FGFR2: variants seen among roughly 807,000 people sequenced by gnomAD.
The protein encoded by FGFR2 is BEK fibroblast growth factor receptor.
In FGFR2, 19 loss-of-function variants were observed where a neutral mutation model predicts 95.9. That is an observed-to-expected ratio of 0.20 (90% CI 0.14 to 0.29). The LOEUF (loss-of-function observed/expected upper bound fraction) is 0.29, where lower values mean the gene tolerates loss of function less well. Ranked by LOEUF, FGFR2 falls within the 10% of genes least tolerant of loss-of-function variation. The probability of loss-of-function intolerance (pLI) is 1.00; values close to 1 mark genes in which losing one functional copy is unlikely to be tolerated. For synonymous variants in FGFR2, 392 were observed against 393.3 expected, an observed-to-expected ratio of 1.00 and a Z score of 0.04; for missense variants, 707 against 1,056.9, an observed-to-expected ratio of 0.67 and a Z score of 4.59.
At chr10:121,568,098 G>GA (rs1857977646) in intron 2 of FGFR2, among the ~76,000 whole-genome samples, 1 of 152,134 alleles carries the variant, frequency 6.6e-6, no homozygotes, top group Non-Finnish European at 1.5e-5. Flanking sequence ...AGACCAAACA[G>GA]AAAAAAGAAA....
At chr10:121,554,660 C>T (rs56674361) in intron 4 of FGFR2, among the ~76,000 whole-genome samples, 12,810 of 151,932 alleles carry the variant, frequency 0.084, 1,442 homozygotes, top group African/African-American at 0.25. Context: ...CGTGAGCTAC[C>T]GCGCCCGGCT....
rs1190271376 is a variant in FGFR2, at chr10:121,551,387, T to G, written c.527A>C (p.Lys176Thr). 6.2e-7 allele frequency: 1 copy of G among 1,614,204 alleles called. No individual in the cohort carries two copies. Among genetic ancestry groups the G allele is most frequent in the Non-Finnish European group, 8.5e-7 (1 of 1,180,040 alleles). ...LHAVPAANTV[K>T]FRCPAGGNPM... ...GTTCCCCCCGGCTGGGCAGCGAAAC[T>G]TGACAGTGTTGGCCGCAGGCACAGC... is the stretch of plus-strand genomic sequence containing the variant. The change falls in exon 5 of 18, where the codon AAG becomes ACG. Residue 176 changes from lysine to threonine, a missense_variant. This residue lies in a region of FGFR2 where 139 missense variants were observed against 278.1 expected (regional missense o/e 0.50). Coordinates refer to ENST00000358487, the MANE Select transcript of FGFR2 (RefSeq NM_000141.5).
intron 2 of FGFR2, among the ~76,000 whole-genome samples, chr10:121,586,526 T>C (rs1288810314): frequency 6.6e-6 from 1 of 152,236 alleles, no homozygotes; most frequent in African/African-American, 2.4e-5. Flanking sequence ...TGGCATGATG[T>C]GGCCAAAGTC....
intron 13 of FGFR2, among the ~76,000 whole-genome samples, chr10:121,490,780 TA>T (rs1846033269): frequency 6.6e-6 from 1 of 152,196 alleles, no homozygotes; most frequent in African/African-American, 2.4e-5. Flanking sequence ...CCCTGAAATA[TA>T]AATAAGGAAT....
intron 2 of FGFR2, among the ~76,000 whole-genome samples, chr10:121,580,565 C>A (rs1374762796): frequency 1.3e-5 from 2 of 152,100 alleles, no homozygotes; most frequent in East Asian, 1.9e-4. Context: ...AGGAAAGGTT[C>A]CCCACACTGC....
chr10:121,559,688 G>C (rs1451935941), intron 4 of FGFR2, among the ~76,000 whole-genome samples: 1 of 152,194 alleles, frequency 6.6e-6, no homozygotes, highest in Non-Finnish European at 1.5e-5. Flanking sequence ...GCTGTCATTC[G>C]AGAGCTAATT....
chr10:121,518,155 G>A lies in FGFR2; in HGVS notation c.940-692C>T. The A allele has an allele frequency of 1.2e-5, 3 of 250,906 alleles. No individual in the cohort carries two copies. Among genetic ancestry groups the A allele is most frequent in the South Asian group, 7.9e-5 (2 of 25,190 alleles). 15.5% of individuals were successfully genotyped at this position (250,906 alleles called of 1,614,324 possible). A position where few individuals can be genotyped will look rare whatever the true frequency, so the allele number is the denominator to read the frequency against. ...CTTTTGCCTTTAGTAGCGTCCAGTAGTACATTCATTAAGATGAGCTCCCCT... is the reference window on the plus strand; with the variant it reads ...CTTTTGCCTTTAGTAGCGTCCAGTAATACATTCATTAAGATGAGCTCCCCT... On this transcript the variant is annotated intron_variant, in intron 7 of 17. Coordinates refer to ENST00000358487, the MANE Select transcript of FGFR2 (RefSeq NM_000141.5). This position sits in a 1 kb window ranked among gnomAD's most constrained non-coding sequence, Gnocchi z 4.0.
At chr10:121,559,811 A>C (rs1279846438) in intron 4 of FGFR2, among the ~76,000 whole-genome samples, 1 of 152,220 alleles carries the variant, frequency 6.6e-6, no homozygotes, top group Non-Finnish European at 1.5e-5. Flanking sequence ...GGCAGTTAGG[A>C]ACACTGTTCA....
chr10:121,513,860 C>G (rs1018133302), intron 9 of FGFR2, among the ~76,000 whole-genome samples: 1 of 152,134 alleles, frequency 6.6e-6, no homozygotes, highest in Non-Finnish European at 1.5e-5. Flanking sequence ...TAACAAGGAC[C>G]CATTCAGCCA....
intron 9 of FGFR2, among the ~76,000 whole-genome samples, chr10:121,506,101 A>C (rs2134097331): frequency 1.3e-5 from 2 of 152,222 alleles, no homozygotes; most frequent in Non-Finnish European, 2.9e-5. Flanking sequence ...CTCACGCCGT[A>C]ATCTCAGCAC....
intron 5 of FGFR2, among the ~76,000 whole-genome samples, chr10:121,546,203 AT>A (rs1854493599): frequency 6.6e-6 from 1 of 151,172 alleles, no homozygotes. Flanking sequence ...AAAAAAAAAA[AT>A]CTGTGCTGTT....
At chr10:121,557,590 G>A (rs1430750332) in intron 4 of FGFR2, among the ~76,000 whole-genome samples, 1 of 152,134 alleles carries the variant, frequency 6.6e-6, no homozygotes, top group African/African-American at 2.4e-5. Context: ...TTACAGGTGC[G>A]AGCTGCTATG....
At chr10:121,581,068 A>ACT in intron 2 of FGFR2, among the ~76,000 whole-genome samples, 1 of 152,144 alleles carries the variant, frequency 6.6e-6, no homozygotes, top group Non-Finnish European at 1.5e-5. Flanking sequence ...CTGGCAAGAA[A>ACT]CTCTGCCAAT....
chr10:121,517,593 C>A lies in FGFR2; in HGVS notation c.940-130G>T. 8 of 1,039,220 alleles carry A rather than the reference C, an allele frequency of 7.7e-6. No homozygotes were observed. The highest frequency in any genetic ancestry group is 1.2e-5 in the Non-Finnish European group (8 of 686,058). 64.4% of individuals were successfully genotyped at this position (1,039,220 alleles called of 1,614,324 possible). ...GGCCACTGGGAGATTCCGACTGCAG[C>A]CCATCCACAAAGCCCACAACCGAGA... On this transcript the variant is annotated intron_variant, in intron 7 of 17. Transcript: ENST00000358487. This position sits in a 1 kb window ranked among gnomAD's most constrained non-coding sequence, Gnocchi z 4.7.
intron 2 of FGFR2, 56 bp from the exon 3 acceptor site, chr10:121,565,760 G>C (rs1857587121): frequency 3.7e-5 from 58 of 1,572,514 alleles, no homozygotes; most frequent in Non-Finnish European, 4.8e-5. Context: ...GGAGAGGAGA[G>C]AACGTCCAAC....
chr10:121,577,927 G>C (rs559423596), intron 2 of FGFR2, among the ~76,000 whole-genome samples: 1 of 152,090 alleles, frequency 6.6e-6, no homozygotes, highest in Non-Finnish European at 1.5e-5. Context: ...TGCCGCCCAA[G>C]CTCCAAGTCG....
chr10:121,550,770 C>A (rs1397987586), intron 5 of FGFR2, among the ~76,000 whole-genome samples: 1 of 152,146 alleles, frequency 6.6e-6, no homozygotes, highest in Non-Finnish European at 1.5e-5. Flanking sequence ...ATATGAAGAA[C>A]AACACAAACG....
In FGFR2 at chr10:121,479,206, A is replaced by G. The variant is rs1253556834; in HGVS notation, c.*651T>C. ...TGCCACTTAAATTACAAAAAAAACT[A>G]TAAATGATTAATTGTTTTGTATATT... On this transcript the variant is annotated 3_prime_UTR_variant, in exon 18 of 18. Coordinates refer to ENST00000358487, the MANE Select transcript of FGFR2 (RefSeq NM_000141.5). The G allele has an allele frequency of 4.3e-6, 1 of 233,290 alleles. No individual in the cohort carries two copies. The highest frequency in any genetic ancestry group is 6.1e-5 in the East Asian group (1 of 16,370). 14.5% of individuals were successfully genotyped at this position (233,290 alleles called of 1,614,324 possible).
At chr10:121,532,016 G>A (rs1385254103) in intron 6 of FGFR2, among the ~76,000 whole-genome samples, 1 of 152,174 alleles carries the variant, frequency 6.6e-6, no homozygotes, top group African/African-American at 2.4e-5. Context: ...TCAACAGAGG[G>A]GCTTTCTGCC....
Sources: allele counts gnomAD v4.1 joint callset (sites outside exome capture counted in the v4.1 genomes callset), GRCh38; gene constraint gnomAD v4.1.1; regional missense constraint gnomAD v4.1.1; non-coding constraint Gnocchi (gnomAD v3.1); transcripts MANE v1.5; gene names NCBI Gene and HGNC (gene_info 2026-07-23, HGNC 2026-07-21).